SH3RF2: variants seen among roughly 807,000 people sequenced by gnomAD.
SH3RF2 encodes SH3 domain containing ring finger 2.
A neutral mutation model predicts 59.0 loss-of-function variants in SH3RF2; 43 were observed. That is an observed-to-expected ratio of 0.73 (90% CI 0.57 to 0.94). The LOEUF is 0.94. Ranked by LOEUF, SH3RF2 falls within the 40% of genes least tolerant of loss-of-function variation. The pLI is 0.00. For synonymous variants in SH3RF2, 391 were observed against 391.5 expected, an observed-to-expected ratio of 1.00 and a Z score of 0.01; for missense variants, 930 against 940.1, an observed-to-expected ratio of 0.99 and a Z score of 0.14.
intron 7 of SH3RF2, among the ~76,000 whole-genome samples, chr5:146,052,536 T>C (rs1445498380): frequency 2.6e-5 from 4 of 152,208 alleles, no homozygotes; most frequent in African/African-American, 9.6e-5. Context: ...GTTTTGTTTA[T>C]GGGGAACCAA....
intron 5 of SH3RF2, among the ~76,000 whole-genome samples, chr5:146,020,623 A>G (rs985726411): frequency 2.0e-5 from 3 of 152,192 alleles, no homozygotes; most frequent in South Asian, 4.1e-4. Flanking sequence ...GTGTTGTAAC[A>G]TATATATTAG....
chr5:146,073,260 C>A (rs1341553629), intron 9 of SH3RF2, among the ~76,000 whole-genome samples: 1 of 152,240 alleles, frequency 6.6e-6, no homozygotes, highest in East Asian at 1.9e-4. Flanking sequence ...GTCCCCACGG[C>A]CTCACCACCT....
chr5:146,059,988 CCCT>C lies in SH3RF2; in HGVS notation c.1684_1686del (p.Ser562del). Reference sequence around the variant, plus strand: ...CCAATTCTACCAGCCACAGGGGATCCCCTCCTCCCCCTCAGCCGTGGTGGTGGA... The same window carrying C: ...CCAATTCTACCAGCCACAGGGGATCCCCTCCCCCTCAGCCGTGGTGGTGGA... On this transcript the variant is annotated inframe_deletion, in exon 9 of 10. Transcript: ENST00000359120. The C allele has an allele frequency of 6.3e-7, 1 of 1,587,632 alleles. No homozygotes were observed. The highest frequency in any genetic ancestry group is 2.3e-5 in the East Asian group (1 of 44,142).
At chr5:145,986,351 A>G (rs1359430631) in intron 2 of SH3RF2, among the ~76,000 whole-genome samples, 1 of 151,992 alleles carries the variant, frequency 6.6e-6, no homozygotes, top group Non-Finnish European at 1.5e-5. Flanking sequence ...TGTTTGACTC[A>G]TTTTTTTCTC....
At chr5:145,946,217 G>T (rs1224449033) in intron 2 of SH3RF2, among the ~76,000 whole-genome samples, 2 of 152,140 alleles carry the variant, frequency 1.3e-5, no homozygotes, top group African/African-American at 4.8e-5. Context: ...GCTCACACCA[G>T]GGACACTCAT....
chr5:146,072,756 T>C (rs933916037), intron 9 of SH3RF2, among the ~76,000 whole-genome samples: 2 of 152,192 alleles, frequency 1.3e-5, no homozygotes, highest in Admixed American at 1.3e-4. Context: ...TTAGAGGGTT[T>C]GTAACTACAG....
intron 2 of SH3RF2, among the ~76,000 whole-genome samples, chr5:145,977,900 G>A (rs1399613435): frequency 6.6e-6 from 1 of 152,290 alleles, no homozygotes; most frequent in Admixed American, 6.5e-5. Context: ...ATTGACCCCT[G>A]TTTCACAGAT....
At chr5:146,010,341 G>A (rs1413153429) in intron 4 of SH3RF2, among the ~76,000 whole-genome samples, 10 of 152,182 alleles carry the variant, frequency 6.6e-5, no homozygotes, top group Non-Finnish European at 1.3e-4. Context: ...ATAAACATAC[G>A]TGTGCATGTG....
intron 5 of SH3RF2, among the ~76,000 whole-genome samples, chr5:146,037,380 C>T (rs1206822024): frequency 6.6e-6 from 1 of 152,184 alleles, no homozygotes; most frequent in East Asian, 1.9e-4. Flanking sequence ...CAAGAAGCTA[C>T]AAAAGTCCTC....
downstream of SH3RF2, among the ~76,000 whole-genome samples, chr5:146,064,771 G>GA (rs1245424437): frequency 2.8e-3 from 68 of 24,422 alleles, 4 homozygotes; most frequent in East Asian, 4.5e-3. Flanking sequence ...AGGAAGGAAG[G>GA]AAGGAAAGGA....
At chr5:145,982,535 G>A (rs999651093) in intron 2 of SH3RF2, among the ~76,000 whole-genome samples, 1 of 152,164 alleles carries the variant, frequency 6.6e-6, no homozygotes, top group Non-Finnish European at 1.5e-5. Context: ...TGAAGAAATT[G>A]ATATTTGGGG....
intron 2 of SH3RF2, among the ~76,000 whole-genome samples, chr5:145,991,436 C>T (rs753339707): frequency 2.4e-4 from 36 of 152,274 alleles, no homozygotes; most frequent in Non-Finnish European, 3.8e-4. Flanking sequence ...CAGAGTCATT[C>T]ACTCTCTCCC....
chr5:145,992,859 C>G (rs542817114), intron 2 of SH3RF2, among the ~76,000 whole-genome samples: 2 of 151,402 alleles, frequency 1.3e-5, no homozygotes, highest in African/African-American at 4.9e-5. Context: ...CCAAATCTCA[C>G]GGCCTCACAT....
In SH3RF2 at chr5:145,938,044, G is replaced by T. The variant is rs147453801; in HGVS notation, c.116G>T (p.Arg39Met). The T allele has an allele frequency of 3.7e-6, 6 of 1,614,126 alleles. No individual in the cohort carries two copies. The highest frequency in any genetic ancestry group is 5.1e-6 in the Non-Finnish European group (6 of 1,180,048). The part of the protein sequence containing the change: ...QHTFCKPCLQ[R>M]VFKAHKELRC... The stretch of plus-strand genomic sequence containing the variant: ...ACCTTCTGCAAACCATGTCTACAGA[G>T]GGTTTTCAAGGCCCACAAAGAGCTG... Residue 39 changes from arginine (R) to methionine (M), a missense_variant, in exon 2 of 10, where the codon AGG becomes ATG. By Grantham distance (91) the Arg-to-Met change is moderately conservative. Transcript: ENST00000359120.
intron 2 of SH3RF2, among the ~76,000 whole-genome samples, chr5:145,987,006 G>A (rs1759732903): frequency 6.6e-6 from 1 of 152,064 alleles, no homozygotes; most frequent in Non-Finnish European, 1.5e-5. Flanking sequence ...AGGAAGGAAG[G>A]GATGTCATGC....
At chr5:146,004,021 T>C (rs1760530944) in intron 3 of SH3RF2, 37 bp from the exon 4 acceptor site, 6 of 1,570,122 alleles carry the variant, frequency 3.8e-6, no homozygotes, top group Non-Finnish European at 5.2e-6. Context: ...TGCCTGAAAA[T>C]GAGAGTAAAT....
chr5:146,005,276 A>C (rs1325929112), intron 4 of SH3RF2, among the ~76,000 whole-genome samples: 2 of 152,170 alleles, frequency 1.3e-5, no homozygotes, highest in African/African-American at 4.8e-5. Flanking sequence ...GAAGCAAGTC[A>C]TTACATATTT....
At chr5:146,064,121 G>T (rs1264625729), downstream of SH3RF2, among the ~76,000 whole-genome samples, 1 of 152,082 alleles carries the variant, frequency 6.6e-6, no homozygotes, top group Non-Finnish European at 1.5e-5. Context: ...AAGGCTGGAG[G>T]AGAAAACAGG....
intron 8 of SH3RF2, among the ~76,000 whole-genome samples, 194 bp from the exon 9 acceptor site, chr5:146,059,672 T>C (rs1762814833): frequency 6.6e-6 from 1 of 152,146 alleles, no homozygotes; most frequent in Admixed American, 6.5e-5. Flanking sequence ...GAGAGATATT[T>C]GCTGCCAGCA....
Sources: gnomAD v4.1 joint callset for allele counts (sites outside exome capture counted in the v4.1 genomes callset) on GRCh38, gnomAD v4.1.1 for gene constraint, MANE v1.5 for transcripts, NCBI Gene and HGNC (gene_info 2026-07-23, HGNC 2026-07-21) for gene names.